Variants in ETV5 observed in about 807,000 individuals in gnomAD.
ETV5 encodes ETS variant transcription factor 5.
ETV5 carries 10 observed loss-of-function variants against 70.0 expected under a neutral mutation model. The observed-to-expected ratio is 0.14, with a 90% CI of 0.09 to 0.24. ETV5 has a LOEUF of 0.24. Ranked by LOEUF, ETV5 falls within the 10% of genes least tolerant of loss-of-function variation. The pLI, the probability that ETV5 is intolerant of heterozygous loss-of-function variation, is 1.00. For missense variants in ETV5, 453 were observed against 651.2 expected, an observed-to-expected ratio of 0.70 and a Z score of 3.31; for synonymous variants, 216 against 242.2, an observed-to-expected ratio of 0.89 and a Z score of 1.01.
rs978111805 is a variant in ETV5 at position 186,046,415 on chromosome 3, A to G, written c.*2224T>C. 1.7e-5 allele frequency: 4 copies of G among 229,846 alleles called. No individual in the cohort carries two copies. Among genetic ancestry groups the G allele is most frequent in the Admixed American group, 1.1e-4 (2 of 17,654 alleles). The allele number at this position is 229,846 out of a possible 1,614,324, so 14.2% of individuals were successfully genotyped here. On this transcript the variant is annotated 3_prime_UTR_variant, in exon 13 of 13. Coordinates refer to ENST00000306376, the MANE Select transcript of ETV5 (RefSeq NM_004454.3). Reference sequence around the variant, plus strand: ...CCCTGCGCAGGGGAAAGTATTTCAAATCAGCTGGCAGGTTCAAGCCTTTCT... The same window carrying G: ...CCCTGCGCAGGGGAAAGTATTTCAAGTCAGCTGGCAGGTTCAAGCCTTTCT...
Position 186,079,892 on chromosome 3 carries a change from G to C in ETV5, c.575C>G (p.Ala192Gly), listed in dbSNP as rs779639231. The stretch of plus-strand genomic sequence containing the variant: ...GGGCTGATGTGGTGGTCGGGGGACC[G>C]CAAATGTTTGCTGCTGTGGTCCAGG... ...PEPGPQQQTF[A>G]VPRPPHQPLQ... Residue 192 changes from alanine (A) to glycine (G), a missense_variant, in exon 7 of 13, where the codon GCG (alanine) becomes GGG (glycine). Ala to Gly is a moderately conservative substitution (Grantham distance 60, BLOSUM62 0). Around this residue, in one of 4 missense-constraint regions of ETV5, gnomAD observed 307 missense variants for 344.9 expected, o/e 0.89. Coordinates refer to ENST00000306376, the MANE Select transcript of ETV5 (RefSeq NM_004454.3). 3.7e-6 allele frequency: 6 copies of C among 1,604,766 alleles called. No homozygotes were observed. The highest frequency in any genetic ancestry group is 5.1e-6 in the Non-Finnish European group (6 of 1,175,212).
At chr3:186,079,202 A>G (rs1372548872) in intron 7 of ETV5, 3 of 570,182 alleles carry the variant, frequency 5.3e-6, no homozygotes, top group Non-Finnish European at 7.0e-6. Flanking sequence ...GTGTGCAGAG[A>G]AGGTTCCCTT....
At chr3:186,088,158 C>T (rs917333139) in intron 5 of ETV5, among the ~76,000 whole-genome samples, 1 of 152,194 alleles carries the variant, frequency 6.6e-6, no homozygotes, top group Non-Finnish European at 1.5e-5. Flanking sequence ...CCAGACTCAT[C>T]TTTCCCAAAT....
intron 12 of ETV5, 43 bp from the exon 13 acceptor site, chr3:186,048,903 G>T: frequency 6.5e-7 from 1 of 1,532,786 alleles, no homozygotes; most frequent in Admixed American, 1.7e-5. Context: ...TTGGAACAGG[G>T]CATGGGATCA....
chr3:186,101,731 C>T (rs1714463705), intron 5 of ETV5, among the ~76,000 whole-genome samples: 2 of 152,194 alleles, frequency 1.3e-5, no homozygotes, highest in African/African-American at 4.8e-5. Flanking sequence ...ACATCTTCCT[C>T]TTACTTCACC....
In ETV5 at chr3:186,047,913, G is replaced by A. The variant is rs774904968; in HGVS notation, c.*726C>T. The A allele has an allele frequency of 4.3e-6, 1 of 233,392 alleles. No homozygotes were observed. The highest frequency in any genetic ancestry group is 8.5e-6 in the Non-Finnish European group (1 of 117,978). 14.5% of individuals were successfully genotyped at this position (233,392 alleles called of 1,614,324 possible). A position where few individuals can be genotyped will look rare whatever the true frequency, so the allele number is the denominator to read the frequency against. On this transcript the variant is annotated 3_prime_UTR_variant, in exon 13 of 13. Transcript: ENST00000306376. ...CCAAATCAGGGCAAAACAAAATACT[G>A]TCAAAAGTGTTAATCGCCCTTCTCC...
rs533361357 is a variant in ETV5 at position 186,047,091 on chromosome 3, C to T, written c.*1548G>A. The T allele has an allele frequency of 2.6e-5, 6 of 228,050 alleles. No homozygotes were observed. Among genetic ancestry groups the T allele is most frequent in the South Asian group, 3.6e-4 (2 of 5,484 alleles). 14.1% of individuals were successfully genotyped at this position (228,050 alleles called of 1,614,324 possible). A position where few individuals can be genotyped will look rare whatever the true frequency, so the allele number is the denominator to read the frequency against. On this transcript the variant is annotated 3_prime_UTR_variant, in exon 13 of 13. Transcript: ENST00000306376. The stretch of plus-strand genomic sequence containing the variant: ...GAGTCAGCACTGCCTCCTTCACATA[C>T]GAGGAACAGTGTAGTCATTCTTAAT...
intron 7 of ETV5, among the ~76,000 whole-genome samples, chr3:186,067,451 A>G (rs1360121911): frequency 1.3e-5 from 2 of 152,084 alleles, no homozygotes; most frequent in African/African-American, 4.8e-5. Context: ...ACAACAAAAA[A>G]ACCTAAAAAA....
At chr3:186,092,029 G>T (rs1216974633) in intron 5 of ETV5, among the ~76,000 whole-genome samples, 1 of 152,220 alleles carries the variant, frequency 6.6e-6, no homozygotes, top group Non-Finnish European at 1.5e-5. Flanking sequence ...ACCTTTTGGG[G>T]AAGATTTTTG....
intron 5 of ETV5, among the ~76,000 whole-genome samples, chr3:186,094,454 C>G (rs1220566305): frequency 6.6e-6 from 1 of 152,082 alleles, no homozygotes; most frequent in African/African-American, 2.4e-5. Context: ...TTTTTTGACC[C>G]AGATGAACTA....
chr3:186,061,392 C>T (rs1713300200), intron 9 of ETV5, among the ~76,000 whole-genome samples: 1 of 152,180 alleles, frequency 6.6e-6, no homozygotes. Context: ...AGATTTCAAA[C>T]TTGAAGGTGC....
At chr3:186,089,457 C>T (rs192868285) in intron 5 of ETV5, among the ~76,000 whole-genome samples, 3 of 152,258 alleles carry the variant, frequency 2.0e-5, no homozygotes, top group Admixed American at 6.5e-5. Context: ...TGCTAAAAAC[C>T]GTTTAATGAG....
chr3:186,091,364 T>C (rs1714179064), intron 5 of ETV5, among the ~76,000 whole-genome samples: 1 of 152,194 alleles, frequency 6.6e-6, no homozygotes, highest in Admixed American at 6.5e-5. Flanking sequence ...GTCATATGTC[T>C]CGGCAAGAAC....
intron 1 of ETV5, chr3:186,108,631 C>G: frequency 8.5e-7 from 1 of 1,171,948 alleles, no homozygotes; most frequent in Non-Finnish European, 1.1e-6. Flanking sequence ...AGCCTCGCAA[C>G]TCCGCGATCC....
intron 7 of ETV5, chr3:186,076,478 A>T (rs1424069317): frequency 1.1e-5 from 2 of 184,028 alleles, no homozygotes; most frequent in African/African-American, 2.3e-5. Flanking sequence ...TAGTGTGGAC[A>T]CCTGATAGAT....
At chr3:186,093,205 G>A (rs977429964) in intron 5 of ETV5, among the ~76,000 whole-genome samples, 7 of 152,182 alleles carry the variant, frequency 4.6e-5, no homozygotes, top group Non-Finnish European at 7.3e-5. Context: ...AGCAGGGAAA[G>A]ATGAAAATGG....
intron 7 of ETV5, among the ~76,000 whole-genome samples, chr3:186,068,344 A>T (rs577300353): frequency 6.6e-6 from 1 of 152,358 alleles, no homozygotes; most frequent in East Asian, 1.9e-4. Flanking sequence ...GCAAAAATAA[A>T]AGTAGTAGTA....
chr3:186,079,993 G>A lies in ETV5; in HGVS notation c.474C>T (p.Pro158=), dbSNP rs747943671. Residue 158 remains proline, a synonymous_variant, in exon 7 of 13, where the codon CCC becomes CCT. Transcript: ENST00000306376. ...PLFPPPQATL[P]TSGHAPAAGP... ...CAGCTGCAGGGGCATGCCCTGAGGT[G>A]GGCAGAGTTGCCTGAGGTGGGGGAA... is the stretch of plus-strand genomic sequence containing the variant. 3 of 1,564,868 alleles carry A rather than the reference G, an allele frequency of 1.9e-6. No individual in the cohort carries two copies. In the Admixed American group the frequency reaches 6.2e-5, roughly 32 times the overall value.
Position 186,054,682 on chromosome 3 carries a change from G to T in ETV5, c.1209+2393C>A, listed in dbSNP as rs111651564. Among the ~76,000 whole-genome samples, 11 of 152,156 alleles carry T rather than the reference G, an allele frequency of 7.2e-5. 2 individuals carry two copies. The South Asian group carries it at 2.3e-3, about 32-fold the overall frequency. On this transcript the variant is annotated intron_variant, in intron 11 of 12. Coordinates refer to ENST00000306376, the MANE Select transcript of ETV5 (RefSeq NM_004454.3). The surrounding 1 kb of genome is among the most constrained non-coding windows in gnomAD (Gnocchi z 4.4). ...CAGCCACACAGCTGCCTACAATTAC[G>T]TCCCAACAGCTTCCTCCTCCGCTTC...
Sources: gnomAD v4.1 joint callset for allele counts (sites outside exome capture counted in the v4.1 genomes callset) on GRCh38, gnomAD v4.1.1 for gene constraint, gnomAD v4.1.1 regional missense constraint, Gnocchi (gnomAD v3.1) non-coding constraint, MANE v1.5 for transcripts, NCBI Gene and HGNC (gene_info 2026-07-23, HGNC 2026-07-21) for gene names.